CMSS1: variants seen among roughly 807,000 people sequenced by gnomAD.
CMSS1 encodes cms1 ribosomal small subunit homolog.
CMSS1 carries 33 observed loss-of-function variants against 43.5 expected under a neutral mutation model. The observed-to-expected ratio is 0.76, with a 90% CI of 0.57 to 1.01. The LOEUF (loss-of-function observed/expected upper bound fraction) is 1.01, where lower values mean the gene tolerates loss of function less well. Among genes scored for constraint, CMSS1 ranks in the 50% least tolerant of loss-of-function variants. CMSS1 has a pLI of 0.00. For synonymous variants in CMSS1, 115 were observed against 117.2 expected (o/e 0.98, Z 0.12); for missense variants, 313 against 326.4 (o/e 0.96, Z 0.32).
Position 100,178,301 on chromosome 3 carries a change from T to G in CMSS1, c.757-4T>G, listed in dbSNP as rs778057094. 2.9e-5 allele frequency: 46 copies of G among 1,597,028 alleles called. No individual in the cohort carries two copies. Among genetic ancestry groups the G allele is most frequent in the Non-Finnish European group, 3.8e-5 (44 of 1,165,164 alleles). On this transcript the variant is annotated splice_region_variant and splice_polypyrimidine_tract_variant and intron_variant, in intron 9 of 9. Coordinates refer to ENST00000421999, the MANE Select transcript of CMSS1 (RefSeq NM_032359.4). ...CTTTTTTTCCCCCCTTTTCTCTCAT[T>G]TAGATAAGAAAGGAGGTATTCGAAC...
intron 1 of CMSS1, among the ~76,000 whole-genome samples, chr3:100,082,256 C>T (rs753417044): frequency 2.6e-5 from 4 of 152,174 alleles, no homozygotes; most frequent in Non-Finnish European, 5.9e-5. Flanking sequence ...ATCTGTTTAA[C>T]ATACTGACCT....
intron 1 of CMSS1, among the ~76,000 whole-genome samples, chr3:100,017,133 T>C (rs143399516): frequency 6.6e-6 from 1 of 152,192 alleles, no homozygotes; most frequent in African/African-American, 2.4e-5. Flanking sequence ...TTCCTGAAAA[T>C]GTTTGTCATC....
intron 1 of CMSS1, among the ~76,000 whole-genome samples, chr3:100,117,786 A>G (rs1407050137): frequency 6.9e-6 from 1 of 145,192 alleles, no homozygotes; most frequent in Non-Finnish European, 1.5e-5. Flanking sequence ...CAAAAGGTGG[A>G]AACAACCCAA....
chr3:100,119,431 T>G (rs1282740932), intron 1 of CMSS1, among the ~76,000 whole-genome samples: 4 of 152,150 alleles, frequency 2.6e-5, no homozygotes, highest in Non-Finnish European at 5.9e-5. Flanking sequence ...CACCCAGAGT[T>G]TAACCATACT....
At chr3:100,005,347 AG>A (rs747765366) in intron 1 of CMSS1, among the ~76,000 whole-genome samples, 18 of 152,296 alleles carry the variant, frequency 1.2e-4, no homozygotes, top group Non-Finnish European at 2.2e-4. Context: ...CTGGGAGGTT[AG>A]GGGGTTCAGA....
chr3:99,849,083 A>G, intron 1 of CMSS1: 1 of 1,614,174 alleles, frequency 6.2e-7, no homozygotes. Context: ...GATTTCATCC[A>G]GGGAATCCAT....
rs546292745 is a variant in CMSS1 at position 99,930,091 on chromosome 3, T to C, written c.64+112048T>C. On this transcript the variant is annotated intron_variant, in intron 1 of 9. Transcript: ENST00000421999. ...CTCTACCAGCAGTCTCAGCAAGTGA[T>C]TTTTGTGATAGTTGGCAGTGCTTTT... 2.2e-6 allele frequency: 3 copies of C among 1,383,838 alleles called. No individual in the cohort carries two copies. In the East Asian group the frequency reaches 7.4e-5, roughly 34 times the overall value. 85.7% of individuals were successfully genotyped at this position (1,383,838 alleles called of 1,614,324 possible).
intron 1 of CMSS1, chr3:99,851,024 CCTT>C: frequency 1.2e-6 from 2 of 1,609,548 alleles, no homozygotes; most frequent in African/African-American, 1.3e-5. Flanking sequence ...TTTTCTTGCT[CCTT>C]CTCCTCCTGA....
intron 1 of CMSS1, among the ~76,000 whole-genome samples, chr3:99,839,445 A>T (rs1023804647): frequency 1.3e-5 from 2 of 152,194 alleles, no homozygotes; most frequent in African/African-American, 4.8e-5. Context: ...GTTATAAGCT[A>T]ATAATACACA....
chr3:100,175,346 A>C (rs1054347241), intron 8 of CMSS1, among the ~76,000 whole-genome samples: 1 of 152,178 alleles, frequency 6.6e-6, no homozygotes, highest in East Asian at 1.9e-4. Flanking sequence ...TGGGCAGATC[A>C]CTTGAGGTCA....
chr3:99,876,269 G>A, intron 1 of CMSS1: 5 of 954,236 alleles, frequency 5.2e-6, no homozygotes, highest in Non-Finnish European at 6.2e-6. Context: ...CGGGGGCGCC[G>A]GTGACCGCGG....
At chr3:100,077,885 G>A (rs1248214172) in intron 1 of CMSS1, among the ~76,000 whole-genome samples, 1 of 152,064 alleles carries the variant, frequency 6.6e-6, no homozygotes, top group Non-Finnish European at 1.5e-5. Context: ...TCCAACCTGG[G>A]TGACAGAATA....
At chr3:99,858,957 T>C (rs1325693059) in intron 1 of CMSS1, among the ~76,000 whole-genome samples, 2 of 152,270 alleles carry the variant, frequency 1.3e-5, no homozygotes, top group African/African-American at 2.4e-5. Flanking sequence ...GTCACTGCTT[T>C]GATGTTTCCA....
chr3:99,937,958 G>T (rs1473141843), intron 1 of CMSS1, among the ~76,000 whole-genome samples: 1 of 152,200 alleles, frequency 6.6e-6, no homozygotes, highest in Non-Finnish European at 1.5e-5. Flanking sequence ...TGGTAAAGGT[G>T]AATTAAGGTG....
chr3:99,830,574 G>C (rs1266867781), intron 1 of CMSS1: 4 of 456,626 alleles, frequency 8.8e-6, no homozygotes, highest in Non-Finnish European at 1.8e-5. Flanking sequence ...AGGGATCCGT[G>C]CTGGGATTCT....
intron 1 of CMSS1, among the ~76,000 whole-genome samples, chr3:99,873,099 G>C (rs1705319182): frequency 6.6e-6 from 1 of 152,144 alleles, no homozygotes; most frequent in Non-Finnish European, 1.5e-5. Context: ...AAGCATAAGT[G>C]ACTGGGTTGG....
At chr3:99,983,464 GTATATATATATATA>G (rs1191587665) in intron 1 of CMSS1, among the ~76,000 whole-genome samples, 152 of 12,686 alleles carry the variant, frequency 0.012, 8 homozygotes, top group African/African-American at 0.027. Context: ...ATATATGTGT[GTATATATATATATA>G]TATATATATA....
chr3:99,850,693 G>A, intron 1 of CMSS1: 1 of 1,614,080 alleles, frequency 6.2e-7, no homozygotes, highest in Non-Finnish European at 8.5e-7. Context: ...GCTGAGTGCT[G>A]CCAGCTTTTG....
At chr3:99,946,112 G>T (rs952630049) in intron 1 of CMSS1, among the ~76,000 whole-genome samples, 1 of 152,194 alleles carries the variant, frequency 6.6e-6, no homozygotes, top group Non-Finnish European at 1.5e-5. Flanking sequence ...TTCTCAACCT[G>T]TAAGCCCAGA....
Sources: allele counts gnomAD v4.1 joint callset (sites outside exome capture counted in the v4.1 genomes callset), GRCh38; gene constraint gnomAD v4.1.1; transcripts MANE v1.5; gene names NCBI Gene and HGNC (gene_info 2026-07-23, HGNC 2026-07-21).